TENM4: variants seen among roughly 807,000 people sequenced by gnomAD.
TENM4 encodes the protein teneurin transmembrane protein 4.
Under a neutral mutation model 243.3 loss-of-function variants are expected in TENM4, and 82 were observed. The observed-to-expected ratio is 0.34, with a 90% CI of 0.28 to 0.40. The LOEUF (loss-of-function observed/expected upper bound fraction) is 0.40. Among genes scored for constraint, TENM4 ranks in the 10% least tolerant of loss-of-function variants. The pLI, the probability that TENM4 is intolerant of heterozygous loss-of-function variation, is 1.00. For synonymous variants in TENM4, 1,412 were observed against 1,456.3 expected (o/e 0.97, Z 0.69); for missense variants, 3,138 against 3,673.3 (o/e 0.85, Z 3.77).
At position 79,126,688 on chromosome 11, in the gene TENM4, A is replaced by T. The variant is rs138759616; in HGVS notation, c.-66+22022T>A. 2.5e-3 allele frequency among the ~76,000 whole-genome samples: 377 copies of T among 152,336 alleles called. 3 individuals carry two copies. Among genetic ancestry groups the T allele is most frequent in the African/African-American group, 8.6e-3 (357 of 41,576 alleles). The stretch of plus-strand genomic sequence containing the variant: ...AAAAGACTAATTTGAATAATAAAAA[A>T]ACAGAGAATCATGGCCCCTCAATCA... On this transcript the variant is annotated intron_variant, in intron 4 of 33. Transcript: ENST00000278550.
At chr11:79,117,454 T>C (rs945165946) in intron 4 of TENM4, among the ~76,000 whole-genome samples, 2 of 152,154 alleles carry the variant, frequency 1.3e-5, no homozygotes, top group African/African-American at 2.4e-5. Context: ...CCTTGCCTAA[T>C]AGTAGCTGGG....
At chr11:79,002,705 G>T (rs949226025) in intron 6 of TENM4, among the ~76,000 whole-genome samples, 10 of 152,176 alleles carry the variant, frequency 6.6e-5, no homozygotes, top group Admixed American at 5.2e-4. Flanking sequence ...AGATGAGAAA[G>T]AACTAGTGCA....
chr11:79,287,266 C>T (rs1171248721), intron 2 of TENM4, among the ~76,000 whole-genome samples: 1 of 152,114 alleles, frequency 6.6e-6, no homozygotes, highest in Non-Finnish European at 1.5e-5. Context: ...TCTGAACATT[C>T]TTGGTTACAT....
At chr11:78,896,227 T>A (rs1040970353) in intron 7 of TENM4, among the ~76,000 whole-genome samples, 2 of 152,096 alleles carry the variant, frequency 1.3e-5, no homozygotes. Flanking sequence ...TTCTCACAAC[T>A]ACCTACTGGG....
At chr11:79,297,584 C>G (rs568477113) in intron 1 of TENM4, 41 bp from the exon 2 acceptor site, 2 of 152,600 alleles carry the variant, frequency 1.3e-5, no homozygotes, top group African/African-American at 4.8e-5. Flanking sequence ...GCCTTGAGAT[C>G]GCTGGACTAA....
chr11:78,958,685 T>C (rs1254849028), intron 6 of TENM4, among the ~76,000 whole-genome samples: 2 of 152,216 alleles, frequency 1.3e-5, no homozygotes. Flanking sequence ...GCAGAGGGCC[T>C]CTGGGGTGAT....
Position 79,250,792 on chromosome 11 carries a change from C to T in TENM4, c.-264-34883G>A, listed in dbSNP as rs928450236. On this transcript the variant is annotated intron_variant, in intron 2 of 33. Transcript: ENST00000278550. ...CAAATTTAGACAACAACTTGCTAGG[C>T]GAAGCTTAAACTTTCAATTGCTTTT... Among the ~76,000 whole-genome samples, 14 of 152,290 alleles carry T rather than the reference C, an allele frequency of 9.2e-5. No individual in the cohort carries two copies. The South Asian group carries it at 1.9e-3, about 20-fold the overall frequency.
At chr11:79,346,387 A>G (rs567723222) in intron 1 of TENM4, among the ~76,000 whole-genome samples, 3 of 152,202 alleles carry the variant, frequency 2.0e-5, no homozygotes, top group African/African-American at 7.2e-5. Context: ...ATTAATGCAG[A>G]CAGATGCTTA....
At chr11:79,102,490 G>A (rs188415006) in intron 4 of TENM4, among the ~76,000 whole-genome samples, 185 of 152,246 alleles carry the variant, frequency 1.2e-3, no homozygotes, top group Middle Eastern at 3.4e-3. Flanking sequence ...GTAAATAATC[G>A]GGAAATGCTG....
intron 12 of TENM4, among the ~76,000 whole-genome samples, chr11:78,852,317 C>T (rs542157281): frequency 1.1e-4 from 17 of 152,300 alleles, no homozygotes; most frequent in African/African-American, 4.1e-4. Flanking sequence ...TGGGAAGATA[C>T]TTTCTGTCTC....
At chr11:79,315,457 A>ACCCT (rs1045220123) in intron 1 of TENM4, among the ~76,000 whole-genome samples, 15 of 152,216 alleles carry the variant, frequency 9.9e-5, no homozygotes, top group African/African-American at 3.6e-4. Flanking sequence ...GAGGTCAAAC[A>ACCCT]CAGGGTGAGG....
chr11:79,432,280 T>G (rs112904751), intron 1 of TENM4, among the ~76,000 whole-genome samples: 2,012 of 152,320 alleles, frequency 0.013, 50 homozygotes, highest in African/African-American at 0.046. Context: ...TTTTCTCCAA[T>G]GCAACGTGAA....
intron 16 of TENM4, among the ~76,000 whole-genome samples, chr11:78,782,709 T>C (rs1284148808): frequency 1.3e-5 from 2 of 151,702 alleles, no homozygotes; most frequent in Non-Finnish European, 2.9e-5. Flanking sequence ...GAAGTTTCAG[T>C]GATCCGAGGT....
intron 6 of TENM4, among the ~76,000 whole-genome samples, chr11:78,976,904 A>C (rs534319689): frequency 6.6e-6 from 1 of 152,244 alleles, no homozygotes; most frequent in Non-Finnish European, 1.5e-5. Flanking sequence ...CTGGCACCGC[A>C]CTAAGCACTT....
chr11:79,236,357 A>C (rs1864472180), intron 2 of TENM4, among the ~76,000 whole-genome samples: 1 of 152,194 alleles, frequency 6.6e-6, no homozygotes, highest in Non-Finnish European at 1.5e-5. Context: ...TTGATGGCTA[A>C]GGATCACGCA....
At chr11:79,025,680 G>A (rs762557347) in intron 6 of TENM4, among the ~76,000 whole-genome samples, 1 of 152,196 alleles carries the variant, frequency 6.6e-6, no homozygotes, top group African/African-American at 2.4e-5. Context: ...AAAAGGATCT[G>A]GCTCCCCAGT....
At chr11:79,112,447 G>A (rs1183771587) in intron 4 of TENM4, among the ~76,000 whole-genome samples, 1 of 152,112 alleles carries the variant, frequency 6.6e-6, no homozygotes, top group African/African-American at 2.4e-5. Context: ...ACAGCTGAGC[G>A]GGGTGATTCA....
At chr11:79,157,874 C>G (rs1012911290) in intron 3 of TENM4, among the ~76,000 whole-genome samples, 5 of 152,198 alleles carry the variant, frequency 3.3e-5, no homozygotes, top group Non-Finnish European at 7.3e-5. Context: ...CAGCAGGGAA[C>G]CAGCAAATGC....
Position 78,973,535 on chromosome 11 carries a change from T to C in TENM4, c.494-70012A>G, listed in dbSNP as rs1857588092. ...TTTTTAACTTGATTTATCTTTTTAT[T>C]ACTAAAGTGTAAGTACTGCTTTTTT... On this transcript the variant is annotated intron_variant, in intron 6 of 33. Transcript: ENST00000278550. 1.3e-5 allele frequency among the ~76,000 whole-genome samples: 2 copies of C among 152,172 alleles called. 1 individual carries two copies. Among genetic ancestry groups the C allele is most frequent in the South Asian group, 4.2e-4 (2 of 4,818 alleles).
Sources: allele counts gnomAD v4.1 joint callset (sites outside exome capture counted in the v4.1 genomes callset), GRCh38; gene constraint gnomAD v4.1.1; transcripts MANE v1.5; gene names NCBI Gene and HGNC (gene_info 2026-07-23, HGNC 2026-07-21).